The following MACF1 variants were observed in gnomAD, a reference collection of about 807,000 sequenced individuals.
The protein encoded by MACF1 is microtubule-actin cross-linking factor 1.
Under a neutral mutation model 854.8 loss-of-function variants are expected in MACF1, and 193 were observed. That is an observed-to-expected ratio of 0.23 (90% CI 0.20 to 0.25). MACF1 has a LOEUF of 0.25. Among genes scored for constraint, MACF1 ranks in the 10% least tolerant of loss-of-function variants. MACF1 has a pLI of 1.00. For synonymous variants in MACF1, 3,185 were observed against 3,226.7 expected, an observed-to-expected ratio of 0.99 and a Z score of 0.44; for missense variants, 7,722 against 8,929.1, an observed-to-expected ratio of 0.86 and a Z score of 5.45.
chr1:39,351,964 G>T (rs909275723), intron 43 of MACF1, among the ~76,000 whole-genome samples: 1 of 152,106 alleles, frequency 6.6e-6, no homozygotes, highest in South Asian at 2.1e-4. Flanking sequence ...GTCTTAGTGA[G>T]CCAAAAGCTG....
rs758926460 is a variant in MACF1, at chr1:39,368,366, T to C, written c.12938+52T>C. On this transcript the variant is annotated intron_variant, in intron 50 of 100. Transcript: ENST00000564288. ...ATTGGGGAACTATTTTTTCTTGTTA[T>C]GGAGTGAAATGATCTTTTCTCTTTT... The C allele has an allele frequency of 3.3e-6, 5 of 1,517,754 alleles. No individual in the cohort carries two copies. The African/African-American group carries it at 4.1e-5, about 13-fold the overall frequency. The allele number at this position is 1,517,754 out of a possible 1,614,324, so 94.0% of individuals were successfully genotyped here.
Position 39,310,384 on chromosome 1 carries a change from C to T in MACF1, c.3056C>T (p.Ala1019Val). The change falls in exon 25 of 101, where the codon GCT (alanine) becomes GTT (valine). Residue 1019 changes from alanine to valine, a missense_variant. Coordinates refer to ENST00000564288, the MANE Select transcript of MACF1 (RefSeq NM_001394062.1). ...DRLRLEEEVEACKARFQHLMK... is the reference protein window; with the variant it reads ...DRLRLEEEVEVCKARFQHLMK... ...TTGCGCTTGGAAGAGGAGGTGGAAGCTTGTAAAGCCCGCTTCCAGCACCTG... is the reference window on the plus strand; with the variant it reads ...TTGCGCTTGGAAGAGGAGGTGGAAGTTTGTAAAGCCCGCTTCCAGCACCTG... The T allele has an allele frequency of 2.5e-6, 4 of 1,614,096 alleles. No homozygotes were observed. The highest frequency in any genetic ancestry group is 3.4e-6 in the Non-Finnish European group (4 of 1,180,000).
chr1:39,458,231 A>G, intron 89 of MACF1, 139 bp from the exon 90 acceptor site: 2 of 696,922 alleles, frequency 2.9e-6, no homozygotes, highest in Non-Finnish European at 4.8e-6. Context: ...ATCCCTCAGT[A>G]ACTCAACTCA....
At chr1:39,277,107 A>G (rs969880239) in intron 6 of MACF1, among the ~76,000 whole-genome samples, 4 of 151,972 alleles carry the variant, frequency 2.6e-5, no homozygotes, top group African/African-American at 9.7e-5. Context: ...CATATGAAAC[A>G]TACACATACA....
In MACF1 at chr1:39,317,260, T is replaced by C; in HGVS notation, c.3635T>C (p.Leu1212Pro). 1 of 1,614,088 alleles carries C rather than the reference T, an allele frequency of 6.2e-7. No individual in the cohort carries two copies. Among genetic ancestry groups the C allele is most frequent in the Non-Finnish European group, 8.5e-7 (1 of 1,179,992 alleles). ...VKDKNSVFSV[L>P]DEEIAKAKVV... ...GACAAGAATTCAGTGTTTTCAGTCC[T>C]GGATGAGGAAATTGCCAAGGCCAAG... Residue 1212 changes from leucine (L) to proline (P), a missense_variant, in exon 29 of 101, where the codon CTG becomes CCG. Coordinates refer to ENST00000564288, the MANE Select transcript of MACF1 (RefSeq NM_001394062.1).
chr1:39,103,141 T>C, intron 2 of MACF1: 1 of 451,544 alleles, frequency 2.2e-6, no homozygotes, highest in South Asian at 2.1e-5. Flanking sequence ...TTTGTGTGTT[T>C]CTTAAAAGGA....
At chr1:39,266,594 C>CTTTTTTTTTTT (rs11406070) in intron 6 of MACF1, among the ~76,000 whole-genome samples, 6 of 58,120 alleles carry the variant, frequency 1.0e-4, no homozygotes, top group Non-Finnish European at 1.5e-4. Flanking sequence ...TGGTCTTTTC[C>CTTTTTTTTTTT]TTTTTTTTTT....
At chr1:39,429,741 T>G in intron 64 of MACF1, 86 bp from the exon 65 acceptor site, 1 of 1,289,810 alleles carries the variant, frequency 7.8e-7, no homozygotes, top group Non-Finnish European at 1.1e-6. Context: ...TCTATGAAAT[T>G]AAAGCTCTGA....
At chr1:39,294,615 A>G (rs1453673760) in intron 18 of MACF1, among the ~76,000 whole-genome samples, 1 of 152,248 alleles carries the variant, frequency 6.6e-6, no homozygotes, top group Non-Finnish European at 1.5e-5. Context: ...CAGAAGAGCT[A>G]TTTAAATTGA....
chr1:39,476,331 G>C (rs1248034984), intron 97 of MACF1, among the ~76,000 whole-genome samples: 2 of 152,148 alleles, frequency 1.3e-5, no homozygotes, highest in Non-Finnish European at 2.9e-5. Context: ...AGCACTTTGG[G>C]AGGCCGAGGC....
At chr1:39,097,743 G>A (rs56370363) in intron 2 of MACF1, among the ~76,000 whole-genome samples, 8,939 of 152,000 alleles carry the variant, frequency 0.059, 788 homozygotes, top group African/African-American at 0.19. Context: ...AATTCATCAA[G>A]GGAATGAGTT....
intron 66 of MACF1, 59 bp downstream of exon 66, chr1:39,430,967 G>T: frequency 1.4e-6 from 2 of 1,430,898 alleles, no homozygotes; most frequent in Middle Eastern, 2.4e-4. Flanking sequence ...GTGAGATACA[G>T]TACTATGACC....
intron 99 of MACF1, among the ~76,000 whole-genome samples, chr1:39,483,354 T>C (rs1468419337): frequency 6.6e-6 from 1 of 152,170 alleles, no homozygotes; most frequent in Non-Finnish European, 1.5e-5. Flanking sequence ...ACAAGCAGTG[T>C]TCTGAGTAGT....
At chr1:39,411,497 C>G (rs749049353) in intron 58 of MACF1, 65 of 1,613,380 alleles carry the variant, frequency 4.0e-5, no homozygotes, top group Non-Finnish European at 5.5e-5. Context: ...GCTACTGTTC[C>G]CAAGGATATA....
intron 71 of MACF1, 150 bp from the exon 72 acceptor site, chr1:39,439,124 A>G: frequency 1.9e-6 from 1 of 516,352 alleles, no homozygotes; most frequent in Non-Finnish European, 3.5e-6. Context: ...GTAAAACTAA[A>G]ATAGAAAATT....
rs556787327 is a variant in MACF1, at chr1:39,353,071, C to T, written c.11264C>T (p.Thr3755Ile). Reference sequence around the variant, plus strand: ...ATCGATGCTCTCCTGGATTGGGTAACTTCAGTAGGATCATCTGGTGGACAG... The same window carrying T: ...ATCGATGCTCTCCTGGATTGGGTAATTTCAGTAGGATCATCTGGTGGACAG... ...KKIDALLDWV[T>I]SVGSSGGQLL... The change falls in exon 44 of 101, where the codon ACT becomes ATT. Residue 3755 changes from threonine to isoleucine, a missense_variant. Around this residue, in one of 15 missense-constraint regions of MACF1, gnomAD observed 2,807 missense variants for 3,235.8 expected, o/e 0.87. Transcript: ENST00000564288. 3.8e-5 allele frequency: 61 copies of T among 1,614,134 alleles called. 3 individuals carry two copies. The South Asian group carries it at 6.5e-4, about 17-fold the overall frequency.
upstream of MACF1, among the ~76,000 whole-genome samples, chr1:39,200,161 A>G (rs1029766954): frequency 7.2e-5 from 11 of 152,146 alleles, no homozygotes; most frequent in Non-Finnish European, 1.2e-4. Context: ...TCAATCCTCA[A>G]CTTGACATAT....
rs1034752081 is a variant in MACF1 at position 39,486,721 on chromosome 1, G to A, written c.*927G>A. On this transcript the variant is annotated 3_prime_UTR_variant, in exon 101 of 101. Transcript: ENST00000564288. ...GTGGACGTAAGACAAACACGTGCTC[G>A]TCCTTTAATGGAGTTCACCAGCACA... is the stretch of plus-strand genomic sequence containing the variant. The A allele has an allele frequency of 3.9e-5, 6 of 152,638 alleles. No homozygotes were observed. The highest frequency in any genetic ancestry group is 2.0e-4 in the Admixed American group (3 of 15,282). The allele number at this position is 152,638 out of a possible 1,614,324, so 9.5% of individuals were successfully genotyped here. A position where few individuals can be genotyped will look rare whatever the true frequency, so the allele number is the denominator to read the frequency against.
chr1:39,379,559 G>C lies in MACF1; in HGVS notation c.13518+115G>C, dbSNP rs116330662. On this transcript the variant is annotated intron_variant, in intron 54 of 100. Coordinates refer to ENST00000564288, the MANE Select transcript of MACF1 (RefSeq NM_001394062.1). ...AGACATGGGCAACAATCTAGGCTGT[G>C]ATGGGCAGTATGTTTGACATTCTAA... is the stretch of plus-strand genomic sequence containing the variant. 6.2e-5 allele frequency: 71 copies of C among 1,153,998 alleles called. No homozygotes were observed. The African/African-American group carries it at 1.0e-3, about 16-fold the overall frequency. 71.5% of individuals were successfully genotyped at this position (1,153,998 alleles called of 1,614,324 possible). A position where few individuals can be genotyped will look rare whatever the true frequency, so the allele number is the denominator to read the frequency against.
Sources: allele counts gnomAD v4.1 joint callset (sites outside exome capture counted in the v4.1 genomes callset), GRCh38; gene constraint gnomAD v4.1.1; regional missense constraint gnomAD v4.1.1; transcripts MANE v1.5; gene names NCBI Gene and HGNC (gene_info 2026-07-23, HGNC 2026-07-21).